TUSC3: variants seen among roughly 807,000 people sequenced by gnomAD.
The protein encoded by TUSC3 is dolichyl-diphosphooligosaccharide--protein glycosyltransferase subunit TUSC3.
In TUSC3, 45 loss-of-function variants were observed where a neutral mutation model predicts 44.8. The observed-to-expected ratio is 1.00, with a 90% confidence interval of 0.79 to 1.29. TUSC3 has a LOEUF of 1.29. TUSC3 is among the 50% of genes most tolerant of loss of function. The pLI, the probability that TUSC3 is intolerant of heterozygous loss-of-function variation, is 0.00. For missense variants in TUSC3, 519 were observed against 437.9 expected (o/e 1.19, Z -1.65); for synonymous variants, 212 against 152.9 (o/e 1.39, Z -2.85).
At chr8:15,711,995 G>A (rs62503660) in intron 6 of TUSC3, among the ~76,000 whole-genome samples, 1,740 of 151,920 alleles carry the variant, frequency 0.011, 12 homozygotes, top group Non-Finnish European at 0.019. Context: ...TTCAGACCTT[G>A]ATTTTTAATC....
intron 1 of TUSC3, among the ~76,000 whole-genome samples, chr8:15,607,245 C>T (rs1016748448): frequency 6.6e-6 from 1 of 152,000 alleles, no homozygotes; most frequent in Non-Finnish European, 1.5e-5. Flanking sequence ...TAATTAGTTA[C>T]ACAAATATTT....
At chr8:15,488,513 G>A (rs1486546922) in intron 2 of TUSC3, among the ~76,000 whole-genome samples, 1 of 151,630 alleles carries the variant, frequency 6.6e-6, no homozygotes, top group African/African-American at 2.4e-5. Flanking sequence ...AAAATAAACT[G>A]TTTTTTTGTC....
intron 2 of TUSC3, among the ~76,000 whole-genome samples, chr8:15,489,631 C>G (rs1563264675): frequency 6.6e-6 from 1 of 152,146 alleles, no homozygotes; most frequent in Admixed American, 6.6e-5. Context: ...TGATGCTATA[C>G]TACAGTTACA....
At chr8:15,814,703 C>T in the TUSC3 span, among the ~76,000 whole-genome samples, 1 of 151,990 alleles carries the variant, frequency 6.6e-6, no homozygotes, top group Admixed American at 6.5e-5. Context: ...TTTTCTTTTG[C>T]GCAAATGAAA....
At chr8:15,565,538 C>G (rs547340436) in intron 1 of TUSC3, among the ~76,000 whole-genome samples, 1 of 152,156 alleles carries the variant, frequency 6.6e-6, no homozygotes, top group African/African-American at 2.4e-5. Flanking sequence ...GACATTCATA[C>G]ACTCCAGGTG....
chr8:15,743,421 T>C (rs1353635183), intron 7 of TUSC3, 117 bp from the exon 8 acceptor site: 1 of 991,608 alleles, frequency 1.0e-6, no homozygotes, highest in Non-Finnish European at 1.6e-6. Flanking sequence ...TAATTGATTG[T>C]ATTTACCTCT....
At chr8:15,791,834 C>A in the TUSC3 span, among the ~76,000 whole-genome samples, 2 of 152,202 alleles carry the variant, frequency 1.3e-5, no homozygotes, top group African/African-American at 4.8e-5. Flanking sequence ...GCTCTTTCAC[C>A]ACTCCAGCTC....
At chr8:15,436,021 T>C (rs1799941000) in intron 1 of TUSC3, among the ~76,000 whole-genome samples, 1 of 152,194 alleles carries the variant, frequency 6.6e-6, no homozygotes, top group South Asian at 2.1e-4. Flanking sequence ...GCTGCAGTTA[T>C]CTGAAGCCTT....
intron 9 of TUSC3, among the ~76,000 whole-genome samples, chr8:15,756,192 G>C (rs537576263): frequency 1.3e-5 from 2 of 152,224 alleles, no homozygotes; most frequent in East Asian, 3.9e-4. Flanking sequence ...TTTGAATTTT[G>C]GTTCCTCTTA....
chr8:15,770,941 A>G (rs1005854960), downstream of TUSC3, among the ~76,000 whole-genome samples: 1 of 152,236 alleles, frequency 6.6e-6, no homozygotes, highest in African/African-American at 2.4e-5. Flanking sequence ...TAGTATACAC[A>G]TTCAAAGAGA....
At chr8:15,418,153 T>C (rs765267613) in intron 1 of TUSC3, among the ~76,000 whole-genome samples, 1 of 152,178 alleles carries the variant, frequency 6.6e-6, no homozygotes, top group Non-Finnish European at 1.5e-5. Flanking sequence ...ACAACAGTCA[T>C]TGAGCACCTA....
intron 9 of TUSC3, chr8:15,748,874 A>G (rs1811540334): frequency 7.6e-6 from 3 of 396,782 alleles, no homozygotes; most frequent in Non-Finnish European, 1.5e-5. Flanking sequence ...ACTTTTCAAA[A>G]TAAGAGCCAA....
chr8:15,562,599 G>A lies in TUSC3; in HGVS notation c.138+22031G>A, dbSNP rs933959050. Among the ~76,000 whole-genome samples the A allele has an allele frequency of 2.6e-5, 4 of 152,074 alleles. No individual in the cohort carries two copies. In the East Asian group the frequency reaches 5.8e-4, roughly 22 times the overall value. On this transcript the variant is annotated intron_variant, in intron 1 of 10. Coordinates refer to ENST00000503731, the MANE Select transcript of TUSC3 (RefSeq NM_006765.4). ...AGGAGGCCAAAATTAAGGTGAGACC[G>A]GGTTGCGTTCTTTTCTGAATCTCTG...
intron 1 of TUSC3, among the ~76,000 whole-genome samples, chr8:15,417,765 G>T (rs983835222): frequency 1.3e-5 from 2 of 152,200 alleles, no homozygotes; most frequent in Non-Finnish European, 2.9e-5. Context: ...CTAGCCAGCT[G>T]TAATCATTTA....
chr8:15,469,621 G>A (rs549941883), intron 1 of TUSC3, among the ~76,000 whole-genome samples: 10 of 152,304 alleles, frequency 6.6e-5, no homozygotes, highest in African/African-American at 1.7e-4. Flanking sequence ...TTCTTACCAT[G>A]TGATTCAACA....
At chr8:15,637,411 C>T (rs1356892061) in intron 2 of TUSC3, among the ~76,000 whole-genome samples, 3 of 152,076 alleles carry the variant, frequency 2.0e-5, no homozygotes, top group South Asian at 4.1e-4. Flanking sequence ...GTCTTACTAA[C>T]TGTGATATAT....
chr8:15,499,897 C>T (rs1800935751), intron 2 of TUSC3, among the ~76,000 whole-genome samples: 1 of 152,158 alleles, frequency 6.6e-6, no homozygotes, highest in Non-Finnish European at 1.5e-5. Flanking sequence ...CACACACACA[C>T]ATTCTGTATT....
intron 1 of TUSC3, among the ~76,000 whole-genome samples, chr8:15,434,937 G>C (rs1016206446): frequency 6.6e-6 from 1 of 150,866 alleles, no homozygotes; most frequent in Non-Finnish European, 1.5e-5. Context: ...GTCTATCATT[G>C]TTGAACATTT....
chr8:15,572,106 C>A (rs1004084003), intron 1 of TUSC3, among the ~76,000 whole-genome samples: 4 of 152,148 alleles, frequency 2.6e-5, no homozygotes, highest in African/African-American at 9.7e-5. Context: ...TCCTTTCAAA[C>A]CAGGCATCGA....
Sources: gnomAD v4.1 joint callset for allele counts (sites outside exome capture counted in the v4.1 genomes callset) on GRCh38, gnomAD v4.1.1 for gene constraint, MANE v1.5 for transcripts, NCBI Gene and HGNC (gene_info 2026-07-23, HGNC 2026-07-21) for gene names.